The following EPHA6 variants were observed in gnomAD, a reference collection of about 807,000 sequenced individuals.
The protein encoded by EPHA6 is EPH receptor A6.
EPHA6 carries 50 observed loss-of-function variants against 112.0 expected under a neutral mutation model. The ratio of observed to expected loss-of-function variants is 0.45; its 90% confidence interval spans 0.36 to 0.56. The LOEUF (loss-of-function observed/expected upper bound fraction) is 0.56, where lower values mean the gene tolerates loss of function less well. EPHA6 is among the 20% of genes least tolerant of loss of function. The pLI is 0.00. For synonymous variants in EPHA6, 529 were observed against 490.7 expected (o/e 1.08, Z -1.03); for missense variants, 1,280 against 1,417.4 (o/e 0.90, Z 1.56).
intron 5 of EPHA6, among the ~76,000 whole-genome samples, chr3:97,356,931 G>A (rs1029362039): frequency 2.0e-5 from 3 of 151,984 alleles, no homozygotes; most frequent in Admixed American, 2.0e-4. Flanking sequence ...AATTCTATCA[G>A]TTTTTGATTT....
intron 5 of EPHA6, among the ~76,000 whole-genome samples, chr3:97,370,563 C>A (rs1362562939): frequency 6.6e-6 from 1 of 151,942 alleles, no homozygotes; most frequent in African/African-American, 2.4e-5. Flanking sequence ...CATTAAATGT[C>A]AAATAATAAC....
chr3:97,158,856 A>G (rs1207330249), intron 3 of EPHA6, among the ~76,000 whole-genome samples: 3 of 152,148 alleles, frequency 2.0e-5, no homozygotes, highest in Admixed American at 1.3e-4. Context: ...TTGCATTGCC[A>G]TGGTGAAATT....
intron 13 of EPHA6, among the ~76,000 whole-genome samples, chr3:97,620,159 A>G (rs2107499016): frequency 6.6e-6 from 1 of 152,214 alleles, no homozygotes; most frequent in African/African-American, 2.4e-5. Flanking sequence ...AAAAACAAGC[A>G]ATGAGGAAAA....
At chr3:97,232,326 A>G (rs1472823911) in intron 4 of EPHA6, among the ~76,000 whole-genome samples, 1 of 152,216 alleles carries the variant, frequency 6.6e-6, no homozygotes, top group Non-Finnish European at 1.5e-5. Context: ...TTAAATTAAA[A>G]AGAAAGCTGT....
rs2089381170 is a variant in EPHA6 at position 97,429,710 on chromosome 3, G to A, written c.1732-18858G>A. On this transcript the variant is annotated intron_variant, in intron 6 of 17. Transcript: ENST00000389672. Reference sequence around the variant, plus strand: ...ACAAATCTTTAATACACTAAATGCAGCTTCTATAATTTTAAACAAATCCAT... The same window carrying A: ...ACAAATCTTTAATACACTAAATGCAACTTCTATAATTTTAAACAAATCCAT... Among the ~76,000 whole-genome samples, 3 of 152,114 alleles carry A rather than the reference G, an allele frequency of 2.0e-5. No individual in the cohort carries two copies. In the South Asian group the frequency reaches 6.2e-4, roughly 31 times the overall value.
chr3:97,256,700 C>A (rs1553731008), intron 5 of EPHA6, among the ~76,000 whole-genome samples: 1 of 151,842 alleles, frequency 6.6e-6, no homozygotes, highest in Non-Finnish European at 1.5e-5. Context: ...TAAAAGCTTT[C>A]TTAGGAGATG....
At chr3:97,459,302 C>T (rs1202446126) in intron 7 of EPHA6, among the ~76,000 whole-genome samples, 2 of 152,192 alleles carry the variant, frequency 1.3e-5, no homozygotes, top group Non-Finnish European at 2.9e-5. Flanking sequence ...ACCAGAAATG[C>T]ACATTTTTCA....
At chr3:97,671,975 G>A (rs1416640617) in intron 14 of EPHA6, among the ~76,000 whole-genome samples, 5 of 152,058 alleles carry the variant, frequency 3.3e-5, no homozygotes, top group Non-Finnish European at 7.4e-5. Flanking sequence ...TGTGGCTGCC[G>A]AGAACCTGAT....
At chr3:97,086,067 T>C (rs1310933306) in intron 3 of EPHA6, among the ~76,000 whole-genome samples, 2 of 151,476 alleles carry the variant, frequency 1.3e-5, no homozygotes, top group East Asian at 3.9e-4. Flanking sequence ...CCCAAGTAGC[T>C]GGGATTACCC....
intron 3 of EPHA6, among the ~76,000 whole-genome samples, chr3:97,179,294 T>C (rs1197825435): frequency 2.6e-5 from 4 of 152,074 alleles, no homozygotes; most frequent in Admixed American, 2.6e-4. Flanking sequence ...TTATGTGGTA[T>C]TTTTTTGAGT....
chr3:97,102,418 T>C (rs1368495366), intron 3 of EPHA6, among the ~76,000 whole-genome samples: 2 of 151,994 alleles, frequency 1.3e-5, no homozygotes, highest in Non-Finnish European at 2.9e-5. Context: ...TAAATGTGGG[T>C]AGGGGGATAG....
chr3:97,108,357 T>G (rs1268433014), intron 3 of EPHA6, among the ~76,000 whole-genome samples: 1 of 152,206 alleles, frequency 6.6e-6, no homozygotes, highest in Non-Finnish European at 1.5e-5. Context: ...ACCATTGATA[T>G]TTGCAGATTT....
At chr3:97,417,978 G>A (rs568880777) in intron 6 of EPHA6, among the ~76,000 whole-genome samples, 2 of 152,062 alleles carry the variant, frequency 1.3e-5, no homozygotes, top group South Asian at 2.1e-4. Flanking sequence ...GAGGAGAAAC[G>A]ATCTGCAACA....
Position 97,755,664 on chromosome 3 carries a change from C to T in EPHA6, c.*6963C>T, listed in dbSNP as rs1353773946. Among the ~76,000 whole-genome samples, 1 of 151,868 alleles carries T rather than the reference C, an allele frequency of 6.6e-6. No homozygotes were observed. The highest frequency in any genetic ancestry group is 1.5e-5 in the Non-Finnish European group (1 of 67,924). On this transcript the variant is annotated 3_prime_UTR_variant, in exon 18 of 18. Coordinates refer to ENST00000389672, the MANE Select transcript of EPHA6 (RefSeq NM_001080448.3). Reference sequence around the variant, plus strand: ...TATAAGAATCATTTTTCATATATTCCATTCAATTTGTATATTTAGGTATTA... The same window carrying T: ...TATAAGAATCATTTTTCATATATTCTATTCAATTTGTATATTTAGGTATTA...
At chr3:97,023,094 T>G (rs544318926) in intron 3 of EPHA6, among the ~76,000 whole-genome samples, 31 of 152,302 alleles carry the variant, frequency 2.0e-4, no homozygotes, top group African/African-American at 7.5e-4. Context: ...CTTTTTTGTT[T>G]CTGAGATGGA....
chr3:97,551,412 A>G (rs559044351), intron 11 of EPHA6, among the ~76,000 whole-genome samples: 7 of 152,114 alleles, frequency 4.6e-5, no homozygotes, highest in East Asian at 1.9e-4. Context: ...CACTGTTGGT[A>G]TATTTATTCA....
intron 5 of EPHA6, among the ~76,000 whole-genome samples, chr3:97,310,406 A>G (rs1392365915): frequency 6.6e-6 from 1 of 151,424 alleles, no homozygotes. Context: ...ATGAAAATGA[A>G]TTTCATGAAG....
chr3:97,226,341 A>G lies in EPHA6; in HGVS notation c.1192A>G (p.Met398Val), dbSNP rs765543671. 3.1e-6 allele frequency: 5 copies of G among 1,613,706 alleles called. No homozygotes were observed. The Admixed American group carries it at 5.0e-5, about 16-fold the overall frequency. The change falls in exon 4 of 18, where the codon ATG becomes GTG. Residue 398 changes from methionine to valine, a missense_variant. Coordinates refer to ENST00000389672, the MANE Select transcript of EPHA6 (RefSeq NM_001080448.3). ...ATGTCCTCCACACAGTTTAACATACATGGAAGCAACTTCTGTCTGTCAGTG... is the reference window on the plus strand; with the variant it reads ...ATGTCCTCCACACAGTTTAACATACGTGGAAGCAACTTCTGTCTGTCAGTG... ...SKCPPHSLTY[M>V]EATSVCQCEK...
chr3:97,632,100 A>G (rs1297085753), intron 13 of EPHA6, among the ~76,000 whole-genome samples: 1 of 152,076 alleles, frequency 6.6e-6, no homozygotes, highest in Non-Finnish European at 1.5e-5. Context: ...CTGCAAGTGT[A>G]GTCAACACTT....
Sources: gnomAD v4.1 joint callset for allele counts (sites outside exome capture counted in the v4.1 genomes callset) on GRCh38, gnomAD v4.1.1 for gene constraint, MANE v1.5 for transcripts, NCBI Gene and HGNC (gene_info 2026-07-23, HGNC 2026-07-21) for gene names.